Variants in HIPK2 observed in about 807,000 individuals in gnomAD.
HIPK2 encodes the protein homeodomain interacting protein kinase 2, also known as homeodomain-interacting protein kinase 2.
HIPK2 carries 27 observed loss-of-function variants against 113.7 expected under a neutral mutation model. The ratio of observed to expected loss-of-function variants is 0.24; its 90% confidence interval spans 0.17 to 0.33. The LOEUF (loss-of-function observed/expected upper bound fraction) is 0.33. Ranked by LOEUF, HIPK2 falls within the 10% of genes least tolerant of loss-of-function variation. HIPK2 has a pLI of 1.00. For synonymous variants in HIPK2, 631 were observed against 642.2 expected, an observed-to-expected ratio of 0.98 and a Z score of 0.26; for missense variants, 1,257 against 1,588.0, an observed-to-expected ratio of 0.79 and a Z score of 3.54.
At chr7:139,757,545 A>G (rs1023264039) in intron 1 of HIPK2, among the ~76,000 whole-genome samples, 1 of 152,182 alleles carries the variant, frequency 6.6e-6, no homozygotes, top group African/African-American at 2.4e-5. Flanking sequence ...AAGGATGGCT[A>G]TCCTAAAAAA....
intron 2 of HIPK2, among the ~76,000 whole-genome samples, chr7:139,675,290 A>AG (rs1177029602): frequency 6.6e-6 from 1 of 152,012 alleles, no homozygotes; most frequent in Non-Finnish European, 1.5e-5. Context: ...GAACACAAAG[A>AG]GGTGTGGACA....
At chr7:139,765,797 C>T (rs1796544089) in intron 1 of HIPK2, among the ~76,000 whole-genome samples, 1 of 152,196 alleles carries the variant, frequency 6.6e-6, no homozygotes. Flanking sequence ...AACCTGAAAT[C>T]TGCCTCCCCC....
rs1798323665 is a variant in HIPK2 at position 139,572,736 on chromosome 7, G to A, written c.*191C>T. ...CCCACTTCCCGGTTCAAGTTTCACTGGTGTCCCGACCCGTCCCCCTGCCCT... is the reference window on the plus strand; with the variant it reads ...CCCACTTCCCGGTTCAAGTTTCACTAGTGTCCCGACCCGTCCCCCTGCCCT... On this transcript the variant is annotated 3_prime_UTR_variant, in exon 15 of 15. Coordinates refer to ENST00000406875, the MANE Select transcript of HIPK2 (RefSeq NM_022740.5). The A allele has an allele frequency of 2.0e-6, 1 of 504,178 alleles. No individual in the cohort carries two copies. The highest frequency in any genetic ancestry group is 3.4e-6 in the Non-Finnish European group (1 of 296,566). The allele number at this position is 504,178 out of a possible 1,614,324, so 31.2% of individuals were successfully genotyped here. A position where few individuals can be genotyped will look rare whatever the true frequency, so the allele number is the denominator to read the frequency against.
chr7:139,703,523 T>C (rs1161481419), intron 2 of HIPK2, among the ~76,000 whole-genome samples: 1 of 151,938 alleles, frequency 6.6e-6, no homozygotes, highest in Non-Finnish European at 1.5e-5. Flanking sequence ...CCAAATAAAT[T>C]TTATGGCAAA....
intron 1 of HIPK2, among the ~76,000 whole-genome samples, chr7:139,764,259 C>T (rs1419719099): frequency 2.6e-5 from 4 of 152,224 alleles, no homozygotes; most frequent in Non-Finnish European, 4.4e-5. Flanking sequence ...ACGTATTGAT[C>T]AGTCAATGGA....
At chr7:139,581,887 T>C (rs1372363727) in intron 13 of HIPK2, among the ~76,000 whole-genome samples, 1 of 152,232 alleles carries the variant, frequency 6.6e-6, no homozygotes, top group Non-Finnish European at 1.5e-5. Context: ...TGCACAAACA[T>C]ATATTTAAGG....
chr7:139,751,937 G>A (rs1262389362), intron 1 of HIPK2, among the ~76,000 whole-genome samples: 1 of 152,158 alleles, frequency 6.6e-6, no homozygotes, highest in Non-Finnish European at 1.5e-5. Flanking sequence ...GGAAGGATGG[G>A]AGGAAGGGAA....
At chr7:139,622,874 G>A (rs961993828) in intron 6 of HIPK2, among the ~76,000 whole-genome samples, 4 of 152,170 alleles carry the variant, frequency 2.6e-5, no homozygotes, top group African/African-American at 9.7e-5. Flanking sequence ...TTCTGAATTG[G>A]TTGCTGATGC....
In HIPK2 at chr7:139,658,547, C is replaced by G. The variant is rs149920998; in HGVS notation, c.1104-26822G>C. ...GAAAGCAAAATTTTCTCCATAGAAACTAATTTAATGCCCACACTAGTTTAA... is the reference window on the plus strand; with the variant it reads ...GAAAGCAAAATTTTCTCCATAGAAAGTAATTTAATGCCCACACTAGTTTAA... On this transcript the variant is annotated intron_variant, in intron 2 of 14. Transcript: ENST00000406875. Among the ~76,000 whole-genome samples, 32 of 152,296 alleles carry G rather than the reference C, an allele frequency of 2.1e-4. No individual in the cohort carries two copies. The East Asian group carries it at 6.0e-3, about 28-fold the overall frequency.
chr7:139,638,656 C>CTTTTTTTTTTTTTTTTTTTTTTTT (rs1184555180), intron 2 of HIPK2, among the ~76,000 whole-genome samples: 8 of 130,248 alleles, frequency 6.1e-5, no homozygotes, highest in African/African-American at 2.1e-4. Flanking sequence ...AAATAATTGT[C>CTTTTTTTTTTTTTTTTTTTTTTTT]TTTTTTTTTT....
chr7:139,747,783 T>C (rs1585451310), intron 1 of HIPK2, among the ~76,000 whole-genome samples: 1 of 152,198 alleles, frequency 6.6e-6, no homozygotes, highest in Admixed American at 6.5e-5. Context: ...ACCACTATTC[T>C]GGTGATCTGG....
At chr7:139,764,672 CT>C (rs980361093) in intron 1 of HIPK2, among the ~76,000 whole-genome samples, 3 of 152,096 alleles carry the variant, frequency 2.0e-5, no homozygotes, top group African/African-American at 7.2e-5. Context: ...AAAGATACAA[CT>C]TTAGGAGTCC....
At position 139,717,143 on chromosome 7, in the gene HIPK2, G is replaced by A. The variant is rs1264630764; in HGVS notation, c.20-128C>T. 15 of 1,230,218 alleles carry A rather than the reference G, an allele frequency of 1.2e-5. No individual in the cohort carries two copies. The Admixed American group carries it at 4.4e-4, about 36-fold the overall frequency. 76.2% of individuals were successfully genotyped at this position (1,230,218 alleles called of 1,614,324 possible). A position where few individuals can be genotyped will look rare whatever the true frequency, so the allele number is the denominator to read the frequency against. ...ATATATTCCTCCCACTTGAAAACAA[G>A]GTTGAAAAAGTGAATCTCTTCCACC... On this transcript the variant is annotated intron_variant, in intron 1 of 14. Coordinates refer to ENST00000406875, the MANE Select transcript of HIPK2 (RefSeq NM_022740.5).
chr7:139,698,679 A>G (rs935891658), intron 2 of HIPK2, among the ~76,000 whole-genome samples: 1 of 152,226 alleles, frequency 6.6e-6, no homozygotes, highest in East Asian at 1.9e-4. Flanking sequence ...TCATGAAAGG[A>G]TTGGGCGATT....
chr7:139,723,554 T>TC (rs1795481011), intron 1 of HIPK2, among the ~76,000 whole-genome samples: 1 of 152,114 alleles, frequency 6.6e-6, no homozygotes, highest in Non-Finnish European at 1.5e-5. Flanking sequence ...TAGCATATTT[T>TC]CCCCCCACTA....
chr7:139,680,889 T>C (rs1007636212), intron 2 of HIPK2, among the ~76,000 whole-genome samples: 4 of 152,208 alleles, frequency 2.6e-5, no homozygotes, highest in African/African-American at 7.2e-5. Flanking sequence ...TACTCAGCCA[T>C]GGGCCCAGTG....
intron 2 of HIPK2, among the ~76,000 whole-genome samples, chr7:139,703,786 ACC>A (rs1794786246): frequency 7.6e-6 from 1 of 132,104 alleles, no homozygotes; most frequent in African/African-American, 2.9e-5. Context: ...CCCAACACAC[ACC>A]ACACACACAC....
At chr7:139,628,791 A>G (rs898696293) in intron 5 of HIPK2, 162 bp downstream of exon 5, 2 of 193,448 alleles carry the variant, frequency 1.0e-5, no homozygotes, top group Non-Finnish European at 1.9e-5. Context: ...CACACACCAA[A>G]TGGTATTCTT....
chr7:139,657,225 C>T (rs1272034979), intron 2 of HIPK2, among the ~76,000 whole-genome samples: 1 of 152,216 alleles, frequency 6.6e-6, no homozygotes, highest in South Asian at 2.1e-4. Context: ...ACCCAGGCTT[C>T]TGCTGTAGTC....
Sources: gnomAD v4.1 joint callset for allele counts (sites outside exome capture counted in the v4.1 genomes callset) on GRCh38, gnomAD v4.1.1 for gene constraint, MANE v1.5 for transcripts, NCBI Gene and HGNC (gene_info 2026-07-23, HGNC 2026-07-21) for gene names.